Variants in PCDHGB1 observed in about 807,000 individuals in gnomAD.
The protein encoded by PCDHGB1 is protocadherin gamma subfamily B, 1.
In PCDHGB1, 34 loss-of-function variants were observed where a neutral mutation model predicts 56.6. The observed-to-expected ratio is 0.60, with a 90% CI of 0.46 to 0.80. PCDHGB1 has a LOEUF of 0.80. PCDHGB1 is among the 30% of genes least tolerant of loss of function. The probability of loss-of-function intolerance (pLI) is 0.00; values close to 1 mark genes in which losing one functional copy is unlikely to be tolerated. For synonymous variants in PCDHGB1, 561 were observed against 505.9 expected, an observed-to-expected ratio of 1.11 and a Z score of -1.46; for missense variants, 1,278 against 1,204.6, an observed-to-expected ratio of 1.06 and a Z score of -0.90.
In PCDHGB1 at chr5:141,452,847, T is replaced by G. The variant is rs575815407; in HGVS notation, c.2410-41960T>G. Among the ~76,000 whole-genome samples, 42 of 152,304 alleles carry G rather than the reference T, an allele frequency of 2.8e-4. 1 individual carries two copies. Among genetic ancestry groups the G allele is most frequent in the Admixed American group, 2.5e-3 (38 of 15,302 alleles). ...AAATCACTTGGTCCAGCCCACACTC[T>G]GGGGAGATGATTTTCTAACTCCATT... On this transcript the variant is annotated intron_variant, in intron 1 of 3. Coordinates refer to ENST00000523390, the MANE Select transcript of PCDHGB1 (RefSeq NM_018922.3).
At chr5:141,501,127 T>C (rs2099805755) in intron 2 of PCDHGB1, among the ~76,000 whole-genome samples, 5 of 152,024 alleles carry the variant, frequency 3.3e-5, no homozygotes, top group Non-Finnish European at 7.4e-5. Context: ...TCAGCCTCCC[T>C]AAGTGCTGGG....
chr5:141,372,789 A>G (rs1769071536), intron 1 of PCDHGB1: 2 of 1,601,162 alleles, frequency 1.2e-6, no homozygotes, highest in Non-Finnish European at 8.5e-7. Flanking sequence ...AATGCCTTCT[A>G]ATTCAGGCAA....
chr5:141,388,985 C>T, intron 1 of PCDHGB1: 1 of 1,613,958 alleles, frequency 6.2e-7, no homozygotes, highest in South Asian at 1.1e-5. Flanking sequence ...TTGCTTTGCT[C>T]AAAGTCCGTG....
chr5:141,432,919 C>T lies in PCDHGB1; in HGVS notation c.2410-61888C>T. ...TGGCGCTCAGGCTGCGGCGCTGGCACAAGTCACGCCTGCTGCAGGCTTCAG... is the reference window on the plus strand; with the variant it reads ...TGGCGCTCAGGCTGCGGCGCTGGCATAAGTCACGCCTGCTGCAGGCTTCAG... On this transcript the variant is annotated intron_variant, in intron 1 of 3. Coordinates refer to ENST00000523390, the MANE Select transcript of PCDHGB1 (RefSeq NM_018922.3). The surrounding 1 kb of genome is among the most constrained non-coding windows in gnomAD (Gnocchi z 6.0). The T allele has an allele frequency of 2.5e-6, 4 of 1,614,210 alleles. No individual in the cohort carries two copies. Among genetic ancestry groups the T allele is most frequent in the Non-Finnish European group, 3.4e-6 (4 of 1,180,040 alleles).
At chr5:141,404,912 C>T (rs761969782) in intron 1 of PCDHGB1, 31 of 1,613,946 alleles carry the variant, frequency 1.9e-5, no homozygotes, top group Non-Finnish European at 2.5e-5. Flanking sequence ...CCAGCCCCCT[C>T]TCTCGGCCAC....
chr5:141,446,928 C>T (rs988582410), intron 1 of PCDHGB1, among the ~76,000 whole-genome samples: 14 of 152,132 alleles, frequency 9.2e-5, no homozygotes, highest in Non-Finnish European at 1.6e-4. Context: ...TTCCTGATCT[C>T]TTTTTCACTG....
intron 1 of PCDHGB1, among the ~76,000 whole-genome samples, chr5:141,480,274 G>A (rs111260319): frequency 6.6e-6 from 1 of 152,036 alleles, no homozygotes; most frequent in Non-Finnish European, 1.5e-5. Context: ...CATTAGCTGG[G>A]TGTGTTGGCA....
intron 1 of PCDHGB1, chr5:141,372,339 G>A (rs751001716): frequency 6.2e-7 from 1 of 1,613,798 alleles, no homozygotes; most frequent in South Asian, 1.1e-5. Flanking sequence ...TGTGCGTGAT[G>A]GAGGACAGCA....
chr5:141,395,074 C>G, intron 1 of PCDHGB1: 1 of 1,614,166 alleles, frequency 6.2e-7, no homozygotes, highest in East Asian at 2.2e-5. Flanking sequence ...CAGACCTATT[C>G]CCAGGAAGTC....
intron 1 of PCDHGB1, among the ~76,000 whole-genome samples, chr5:141,472,527 G>A (rs905459978): frequency 1.3e-5 from 2 of 151,468 alleles, no homozygotes; most frequent in African/African-American, 4.9e-5. Flanking sequence ...GTGACAGAGT[G>A]AGACACCATC....
rs1226194073 is a variant in PCDHGB1, at chr5:141,490,496, A to G, written c.2410-4311A>G. The G allele has an allele frequency of 6.2e-7, 1 of 1,614,096 alleles. No individual in the cohort carries two copies. Among genetic ancestry groups the G allele is most frequent in the East Asian group, 2.2e-5 (1 of 44,894 alleles). On this transcript the variant is annotated intron_variant, in intron 1 of 3. Coordinates refer to ENST00000523390, the MANE Select transcript of PCDHGB1 (RefSeq NM_018922.3). The surrounding 1 kb of genome is among the most constrained non-coding windows in gnomAD (Gnocchi z 5.4). ...CCTTTGGACCGGGAGGCCACATCCCACTATATCATCGAGCTGCTGGCCAGC... is the reference window on the plus strand; with the variant it reads ...CCTTTGGACCGGGAGGCCACATCCCGCTATATCATCGAGCTGCTGGCCAGC...
intron 1 of PCDHGB1, chr5:141,415,478 G>C: frequency 6.2e-7 from 1 of 1,614,082 alleles, no homozygotes; most frequent in Non-Finnish European, 8.5e-7. Flanking sequence ...GCGGACTCGC[G>C]AAAGAGTCAC....
rs778246278 is a variant in PCDHGB1 at position 141,491,522 on chromosome 5, A to C, written c.2410-3285A>C. The C allele has an allele frequency of 6.2e-6, 10 of 1,614,024 alleles. No individual in the cohort carries two copies. The highest frequency in any genetic ancestry group is 8.5e-6 in the Non-Finnish European group (10 of 1,180,002). ...TCGGACGGCACGCTCAAGTACATGGAGGTGACGCTGCGGCCCACAGACTCG... is the reference window on the plus strand; with the variant it reads ...TCGGACGGCACGCTCAAGTACATGGCGGTGACGCTGCGGCCCACAGACTCG... On this transcript the variant is annotated intron_variant, in intron 1 of 3. Coordinates refer to ENST00000523390, the MANE Select transcript of PCDHGB1 (RefSeq NM_018922.3). The surrounding 1 kb of genome is among the most constrained non-coding windows in gnomAD (Gnocchi z 6.9).
intron 1 of PCDHGB1, among the ~76,000 whole-genome samples, chr5:141,439,599 G>A (rs1319524199): frequency 6.6e-6 from 1 of 152,146 alleles, no homozygotes; most frequent in Non-Finnish European, 1.5e-5. Flanking sequence ...TGGCCAGTCT[G>A]GAAACAGAGA....
chr5:141,487,033 A>T lies in PCDHGB1; in HGVS notation c.2410-7774A>T, dbSNP rs1465525110. ...AGGCCCCAGATCCCAGCCTGTTTGC[A>T]GTCTCTCGATATGCTGGGGAGGTGC... On this transcript the variant is annotated intron_variant, in intron 1 of 3. Coordinates refer to ENST00000523390, the MANE Select transcript of PCDHGB1 (RefSeq NM_018922.3). This position sits in a 1 kb window ranked among gnomAD's most constrained non-coding sequence, Gnocchi z 5.0. The T allele has an allele frequency of 6.2e-7, 1 of 1,614,042 alleles. No homozygotes were observed. The highest frequency in any genetic ancestry group is 8.5e-7 in the Non-Finnish European group (1 of 1,180,040).
chr5:141,383,970 T>A (rs754557705), intron 1 of PCDHGB1: 1 of 1,613,730 alleles, frequency 6.2e-7, no homozygotes, highest in Admixed American at 1.7e-5. Context: ...GCTCAATCCC[T>A]GAAGACACAC....
chr5:141,381,826 CTTTTT>C lies in PCDHGB1; in HGVS notation c.2409+29175_2409+29179del, dbSNP rs770630741. Among the ~76,000 whole-genome samples, 483 of 74,304 alleles carry C rather than the reference CTTTTT, an allele frequency of 6.5e-3. 2 individuals are homozygous for C. The highest frequency in any genetic ancestry group is 0.026 in the African/African-American group (418 of 16,208). 48.7% of individuals were successfully genotyped at this position (74,304 alleles called of 152,430 possible). On this transcript the variant is annotated intron_variant, in intron 1 of 3. Coordinates refer to ENST00000523390, the MANE Select transcript of PCDHGB1 (RefSeq NM_018922.3). ...TTTCTTTCTTTCTTTCTTTCTTCTT[CTTTTT>C]TTTTTTTTTTTTTTTTTGGCAGAGT...
intron 1 of PCDHGB1, chr5:141,371,024 G>T: frequency 2.5e-6 from 4 of 1,614,004 alleles, no homozygotes; most frequent in Non-Finnish European, 3.4e-6. Flanking sequence ...ATCACCACCT[G>T]GTCCTCACAG....
At chr5:141,445,575 G>A (rs571896159) in intron 1 of PCDHGB1, among the ~76,000 whole-genome samples, 18 of 152,262 alleles carry the variant, frequency 1.2e-4, no homozygotes, top group African/African-American at 4.3e-4. Flanking sequence ...CTTATAGTAG[G>A]GAAGCTTCGC....
Sources: gnomAD v4.1 joint callset for allele counts (sites outside exome capture counted in the v4.1 genomes callset) on GRCh38, gnomAD v4.1.1 for gene constraint, Gnocchi (gnomAD v3.1) non-coding constraint, MANE v1.5 for transcripts, NCBI Gene and HGNC (gene_info 2026-07-23, HGNC 2026-07-21) for gene names.